The following PRICKLE2 variants were observed in gnomAD, a reference collection of about 807,000 sequenced individuals.
PRICKLE2 encodes the protein prickle planar cell polarity protein 2.
A neutral mutation model predicts 81.4 loss-of-function variants in PRICKLE2; 21 were observed. The ratio of observed to expected loss-of-function variants is 0.26; its 90% CI spans 0.18 to 0.37. The LOEUF is 0.37. Among genes scored for constraint, PRICKLE2 ranks in the 10% least tolerant of loss-of-function variants. The pLI is 1.00. For missense variants in PRICKLE2, 940 were observed against 1,109.0 expected (o/e 0.85, Z 2.16); for synonymous variants, 456 against 421.5 (o/e 1.08, Z -1.00).
At chr3:64,260,343 T>C (rs1289994104) in intron 2 of PRICKLE2, among the ~76,000 whole-genome samples, 2 of 152,196 alleles carry the variant, frequency 1.3e-5, no homozygotes, top group Admixed American at 1.3e-4. Flanking sequence ...CCTAACACAG[T>C]GCAGCAGCTA....
upstream of PRICKLE2, among the ~76,000 whole-genome samples, chr3:64,228,396 C>T (rs987633630): frequency 1.2e-4 from 18 of 152,184 alleles, no homozygotes; most frequent in Admixed American, 5.9e-4. Flanking sequence ...TGCCAGCACA[C>T]GCTCTGTGAG....
chr3:64,197,929 T>C (rs969894416), intron 2 of PRICKLE2, among the ~76,000 whole-genome samples: 1 of 152,028 alleles, frequency 6.6e-6, no homozygotes, highest in African/African-American at 2.4e-5. Flanking sequence ...CAAGGGCTGA[T>C]GGCCGGGTGT....
rs2106935638 is a variant in PRICKLE2 at position 64,099,588 on chromosome 3, A to G, written c.1998T>C (p.Ser666=). ...GQEGVRIQPM[S]ERTRRRATSR... ...AAGTAGCTCTTCTCCGGGTGCGTTCACTCATGGGCTGGATCCTCACGCCCT... is the reference window on the plus strand; with the variant it reads ...AAGTAGCTCTTCTCCGGGTGCGTTCGCTCATGGGCTGGATCCTCACGCCCT... The change falls in exon 8 of 8, where the codon AGT becomes AGC. Residue 666 remains serine (S), a synonymous_variant. Transcript: ENST00000638394. The surrounding 1 kb of genome is among the most constrained non-coding windows in gnomAD (Gnocchi z 4.3). 1 of 1,613,510 alleles carries G rather than the reference A, an allele frequency of 6.2e-7. No individual in the cohort carries two copies. The highest frequency in any genetic ancestry group is 8.5e-7 in the Non-Finnish European group (1 of 1,179,800).
chr3:64,195,439 C>T (rs972146599), intron 2 of PRICKLE2, among the ~76,000 whole-genome samples: 8 of 152,256 alleles, frequency 5.3e-5, no homozygotes, highest in East Asian at 3.9e-4. Flanking sequence ...TACCAACCTA[C>T]GACCTGGGAG....
rs968796540 is a variant in PRICKLE2 at position 64,134,985 on chromosome 3, G to A, written c.1660+11845C>T. Reference sequence around the variant, plus strand: ...GCTGCTGCCAGGATGAGAAACCCTAGCAAGGTATGAGCTGCTCACTCCTAG... The same window carrying A: ...GCTGCTGCCAGGATGAGAAACCCTAACAAGGTATGAGCTGCTCACTCCTAG... On this transcript the variant is annotated intron_variant, in intron 7 of 7. Transcript: ENST00000638394. 2.6e-5 allele frequency among the ~76,000 whole-genome samples: 4 copies of A among 152,192 alleles called. No homozygotes were observed. In the South Asian group the frequency reaches 8.3e-4, roughly 31 times the overall value.
intron 2 of PRICKLE2, among the ~76,000 whole-genome samples, chr3:64,251,930 G>C (rs2079451924): frequency 6.6e-6 from 1 of 152,154 alleles, no homozygotes; most frequent in Admixed American, 6.5e-5. Flanking sequence ...CAGTGCATAT[G>C]GGACATAAAT....
At chr3:64,104,653 C>G (rs1055678705) in intron 7 of PRICKLE2, 2 of 152,162 alleles carry the variant, frequency 1.3e-5, no homozygotes, top group Non-Finnish European at 2.9e-5. Flanking sequence ...TGAGGCACCC[C>G]CTTGAAAAAC....
chr3:64,124,122 T>C lies in PRICKLE2; in HGVS notation c.1660+22708A>G, dbSNP rs1575563973. On this transcript the variant is annotated intron_variant, in intron 7 of 7. Coordinates refer to ENST00000638394, the MANE Select transcript of PRICKLE2 (RefSeq NM_198859.4). The stretch of plus-strand genomic sequence containing the variant: ...ATGAAAATAAAGTGACCTAGCCTTA[T>C]TGCTGACACAGGGAAAGTTTAAGTG... 2.0e-5 allele frequency among the ~76,000 whole-genome samples: 3 copies of C among 152,332 alleles called. No homozygotes were observed. The South Asian group carries it at 6.2e-4, about 32-fold the overall frequency.
intron 2 of PRICKLE2, among the ~76,000 whole-genome samples, chr3:64,168,290 G>C (rs2107056861): frequency 6.6e-6 from 1 of 152,152 alleles, no homozygotes; most frequent in East Asian, 1.9e-4. Flanking sequence ...CAATATTTTG[G>C]CTTCCCTGGG....
chr3:64,150,097 T>C (rs2077521145), intron 6 of PRICKLE2, among the ~76,000 whole-genome samples: 1 of 149,508 alleles, frequency 6.7e-6, no homozygotes, highest in Admixed American at 6.7e-5. Flanking sequence ...CCGTGGACAC[T>C]TCCTCCCCAG....
At chr3:64,225,480 G>A (rs1451276679), upstream of PRICKLE2, 13 of 983,584 alleles carry the variant, frequency 1.3e-5, no homozygotes, top group Non-Finnish European at 1.4e-5. Context: ...TGCATCCTCC[G>A]CATGCTAATG....
chr3:64,160,389 T>A (rs1455302670), intron 3 of PRICKLE2, among the ~76,000 whole-genome samples: 1 of 152,166 alleles, frequency 6.6e-6, no homozygotes, highest in Non-Finnish European at 1.5e-5. Flanking sequence ...GATCAAATCA[T>A]CTGGGGTGGC....
In PRICKLE2 at chr3:64,096,700, C is replaced by T. The variant is rs906585981; in HGVS notation, c.*2351G>A. 6 of 152,530 alleles carry T rather than the reference C, an allele frequency of 3.9e-5. No individual in the cohort carries two copies. The highest frequency in any genetic ancestry group is 1.3e-4 in the Admixed American group (2 of 15,266). 9.4% of individuals were successfully genotyped at this position (152,530 alleles called of 1,614,324 possible). A position where few individuals can be genotyped will look rare whatever the true frequency, so the allele number is the denominator to read the frequency against. On this transcript the variant is annotated 3_prime_UTR_variant, in exon 8 of 8. Transcript: ENST00000638394. ...CCTCCAGACCCCTCCGGGCACTGGCCATGTGTCAGTTTTTAGGCCACCTTC... is the reference window on the plus strand; with the variant it reads ...CCTCCAGACCCCTCCGGGCACTGGCTATGTGTCAGTTTTTAGGCCACCTTC...
chr3:64,254,652 G>C (rs1216851090), intron 2 of PRICKLE2, among the ~76,000 whole-genome samples: 1 of 152,132 alleles, frequency 6.6e-6, no homozygotes, highest in Non-Finnish European at 1.5e-5. Flanking sequence ...CATTCTTTGA[G>C]CCCAGATCAA....
At chr3:64,115,246 AC>A (rs2076916212) in intron 7 of PRICKLE2, among the ~76,000 whole-genome samples, 1 of 152,230 alleles carries the variant, frequency 6.6e-6, no homozygotes, top group South Asian at 2.1e-4. Context: ...CTGTAAAAAC[AC>A]ACTGAAGTAC....
chr3:64,263,933 C>CTCA (rs1194791449), intron 2 of PRICKLE2, among the ~76,000 whole-genome samples: 2 of 152,108 alleles, frequency 1.3e-5, no homozygotes, highest in East Asian at 3.9e-4. Context: ...AAATGGGGAC[C>CTCA]TCATGGACTG....
chr3:64,218,351 T>C (rs2078904035), intron 1 of PRICKLE2, among the ~76,000 whole-genome samples: 1 of 152,224 alleles, frequency 6.6e-6, no homozygotes, highest in African/African-American at 2.4e-5. Context: ...ATATTTGTAA[T>C]TGTACATATA....
chr3:64,153,716 A>AT, intron 5 of PRICKLE2: 1 of 275,964 alleles, frequency 3.6e-6, no homozygotes, highest in Non-Finnish European at 7.0e-6. Flanking sequence ...GCCTGGCCAT[A>AT]TTATTTTTTT....
chr3:64,155,373 A>G (rs1036266648), intron 5 of PRICKLE2, among the ~76,000 whole-genome samples: 6 of 151,758 alleles, frequency 4.0e-5, no homozygotes, highest in African/African-American at 1.5e-4. Flanking sequence ...AATGAAAAAA[A>G]AAAACAGATA....
Sources: allele counts gnomAD v4.1 joint callset (sites outside exome capture counted in the v4.1 genomes callset), GRCh38; gene constraint gnomAD v4.1.1; non-coding constraint Gnocchi (gnomAD v3.1); transcripts MANE v1.5; gene names NCBI Gene and HGNC (gene_info 2026-07-23, HGNC 2026-07-21).